The following CADM2 variants were observed in gnomAD, a reference collection of about 807,000 sequenced individuals.
The protein encoded by CADM2 is cell adhesion molecule 2, also known as immunoglobulin superfamily member 4D.
Under a neutral mutation model 49.8 loss-of-function variants are expected in CADM2, and 12 were observed. The ratio of observed to expected loss-of-function variants is 0.24; its 90% CI spans 0.15 to 0.39. The LOEUF (loss-of-function observed/expected upper bound fraction) is 0.39. Among genes scored for constraint, CADM2 ranks in the 10% least tolerant of loss-of-function variants. The pLI is 1.00. For missense variants in CADM2, 378 were observed against 492.3 expected (o/e 0.77, Z 2.20); for synonymous variants, 214 against 175.4 (o/e 1.22, Z -1.74).
chr3:85,207,832 CTG>C (rs2041685763), intron 1 of CADM2, among the ~76,000 whole-genome samples: 2 of 152,120 alleles, frequency 1.3e-5, no homozygotes, highest in Non-Finnish European at 2.9e-5. Flanking sequence ...GGTTGATAAA[CTG>C]TATCTCTTGA....
intron 1 of CADM2, among the ~76,000 whole-genome samples, chr3:85,517,360 A>AG (rs1419691252): frequency 3.3e-5 from 5 of 152,122 alleles, no homozygotes; most frequent in Admixed American, 2.0e-4. Context: ...TCAGATTATT[A>AG]AAGTACTAAG....
At chr3:85,911,949 A>AT (rs893655936) in intron 5 of CADM2, among the ~76,000 whole-genome samples, 99 of 144,702 alleles carry the variant, frequency 6.8e-4, no homozygotes, top group Admixed American at 6.9e-4. Context: ...TTATTTATTA[A>AT]TTTTTTTTTT....
intron 1 of CADM2, among the ~76,000 whole-genome samples, chr3:85,009,653 CTCA>C (rs1396237756): frequency 6.6e-6 from 1 of 152,030 alleles, no homozygotes; most frequent in Non-Finnish European, 1.5e-5. Flanking sequence ...ATTGCCTGAA[CTCA>C]GGAGTTCGAG....
At chr3:85,072,041 A>G (rs1199770620) in intron 1 of CADM2, among the ~76,000 whole-genome samples, 2 of 151,364 alleles carry the variant, frequency 1.3e-5, no homozygotes, top group African/African-American at 4.8e-5. Flanking sequence ...TCATCTTCAA[A>G]CCAAAATATA....
intron 1 of CADM2, among the ~76,000 whole-genome samples, chr3:85,035,087 C>T (rs2035157578): frequency 6.6e-6 from 1 of 152,152 alleles, no homozygotes; most frequent in Admixed American, 6.5e-5. Flanking sequence ...AGGCATGAGC[C>T]ACCATGCCTG....
intron 1 of CADM2, among the ~76,000 whole-genome samples, chr3:85,563,739 C>T (rs1050048657): frequency 6.6e-6 from 1 of 152,050 alleles, no homozygotes; most frequent in African/African-American, 2.4e-5. Context: ...CAAATTTGCA[C>T]GGTGATGACT....
chr3:86,027,025 G>C (rs1436387052), intron 8 of CADM2, among the ~76,000 whole-genome samples: 1 of 151,632 alleles, frequency 6.6e-6, no homozygotes, highest in African/African-American at 2.4e-5. Flanking sequence ...TAATACTCAA[G>C]AAAAAAAGAC....
rs572265575 is a variant in CADM2, at chr3:85,711,548, T to G, written c.62-14974T>G. ...CTTTCTGAAGAATTCATATTTCATT[T>G]AATTTAGTGAAGTTGTTGCTTGTTG... is the stretch of plus-strand genomic sequence containing the variant. On this transcript the variant is annotated intron_variant, in intron 1 of 9. Transcript: ENST00000383699. 3.9e-5 allele frequency among the ~76,000 whole-genome samples: 6 copies of G among 152,340 alleles called. No homozygotes were observed. In the East Asian group the frequency reaches 9.6e-4, roughly 24 times the overall value.
At chr3:85,029,112 C>A (rs966366308) in intron 1 of CADM2, among the ~76,000 whole-genome samples, 1 of 151,672 alleles carries the variant, frequency 6.6e-6, no homozygotes, top group African/African-American at 2.4e-5. Context: ...TGGAATTATA[C>A]TTAAATTTTA....
intron 6 of CADM2, among the ~76,000 whole-genome samples, chr3:85,923,356 A>G (rs543109914): frequency 2.6e-4 from 39 of 152,270 alleles, no homozygotes; most frequent in African/African-American, 9.4e-4. Context: ...GAATTTATCT[A>G]GAGTATCAAA....
intron 1 of CADM2, among the ~76,000 whole-genome samples, chr3:85,224,367 T>C (rs1005445992): frequency 6.6e-6 from 1 of 152,206 alleles, no homozygotes; most frequent in Non-Finnish European, 1.5e-5. Context: ...TGAGCATTTT[T>C]TCATAAGTTT....
chr3:86,061,622 G>A (rs1738660657), intron 8 of CADM2, among the ~76,000 whole-genome samples: 1 of 152,018 alleles, frequency 6.6e-6, no homozygotes, highest in African/African-American at 2.4e-5. Flanking sequence ...TGACCCACAA[G>A]CCACGTGTCA....
chr3:85,812,456 A>G (rs1353441711), intron 3 of CADM2, among the ~76,000 whole-genome samples: 2 of 152,142 alleles, frequency 1.3e-5, no homozygotes, highest in Non-Finnish European at 2.9e-5. Flanking sequence ...CTGGTGACAT[A>G]GTGTCTCCAT....
rs987262589 is a variant in CADM2, at chr3:85,433,695, A to G, written c.62-292827A>G. ...CCTGAGAATGGAATTGTTTTTTCCA[A>G]TTATAGGTTGTATAGAAATATGGCT... is the stretch of plus-strand genomic sequence containing the variant. On this transcript the variant is annotated intron_variant, in intron 1 of 9. Transcript: ENST00000383699. 2.0e-5 allele frequency among the ~76,000 whole-genome samples: 3 copies of G among 152,124 alleles called. No individual in the cohort carries two copies. The East Asian group carries it at 5.8e-4, about 29-fold the overall frequency.
chr3:85,359,062 A>C (rs184458696), intron 1 of CADM2, among the ~76,000 whole-genome samples: 1 of 152,256 alleles, frequency 6.6e-6, no homozygotes, highest in East Asian at 1.9e-4. Flanking sequence ...CCACCTGGAC[A>C]TCTTCTTTTA....
intron 1 of CADM2, among the ~76,000 whole-genome samples, chr3:85,014,283 A>G (rs533257268): frequency 6.6e-6 from 1 of 151,352 alleles, no homozygotes; most frequent in South Asian, 2.1e-4. Context: ...TGTTTAGAGA[A>G]AAAGAGGAAA....
chr3:85,581,081 G>A (rs748717055), intron 1 of CADM2, among the ~76,000 whole-genome samples: 3 of 151,930 alleles, frequency 2.0e-5, no homozygotes, highest in African/African-American at 7.2e-5. Context: ...TGTTCCCATA[G>A]ATTATTTTTA....
At chr3:85,563,431 T>G (rs1036914855) in intron 1 of CADM2, among the ~76,000 whole-genome samples, 1 of 150,604 alleles carries the variant, frequency 6.6e-6, no homozygotes, top group African/African-American at 2.4e-5. Context: ...GTAATTTAGC[T>G]AAAATTAAGG....
At chr3:85,490,391 C>G (rs1326190979) in intron 1 of CADM2, among the ~76,000 whole-genome samples, 1 of 144,436 alleles carries the variant, frequency 6.9e-6, no homozygotes, top group Non-Finnish European at 1.5e-5. Flanking sequence ...TTTCATGAGT[C>G]AAAAAAAAAA....
Sources: allele counts gnomAD v4.1 joint callset (sites outside exome capture counted in the v4.1 genomes callset), GRCh38; gene constraint gnomAD v4.1.1; transcripts MANE v1.5; gene names NCBI Gene and HGNC (gene_info 2026-07-23, HGNC 2026-07-21).